The following CTPS2 variants were observed in gnomAD, a reference collection of about 807,000 sequenced individuals.
CTPS2 encodes CTP synthase 2.
In CTPS2, 19 loss-of-function variants were observed where a neutral mutation model predicts 46.8. The ratio of observed to expected loss-of-function variants is 0.41; its 90% CI spans 0.28 to 0.60. The LOEUF (loss-of-function observed/expected upper bound fraction) is 0.60, where lower values mean the gene tolerates loss of function less well. Among genes scored for constraint, CTPS2 ranks in the 20% least tolerant of loss-of-function variants. CTPS2 has a pLI of 0.35. For synonymous variants in CTPS2, 151 were observed against 165.2 expected (o/e 0.91, Z 0.66); for missense variants, 286 against 447.6 (o/e 0.64, Z 3.26).
intron 17 of CTPS2, among the ~76,000 whole-genome samples, chrX:16,601,585 G>A (rs59557014): frequency 1.6e-5 from 1 of 61,221 alleles, no homozygotes; most frequent in Non-Finnish European, 3.0e-5. Flanking sequence ...GGGGGGGGGG[G>A]TTTAAGTTCC....
chrX:16,605,944 G>A (rs112258607), intron 17 of CTPS2, among the ~76,000 whole-genome samples: 1,447 of 112,207 alleles, frequency 0.013, 18 homozygotes, highest in African/African-American at 0.044. Flanking sequence ...AGGTGAAATT[G>A]GTCTTCCTAA....
At chrX:16,614,164 G>C (rs918602536) in intron 16 of CTPS2, among the ~76,000 whole-genome samples, 1 of 111,917 alleles carries the variant, frequency 8.9e-6, no homozygotes, top group Non-Finnish European at 1.9e-5. Flanking sequence ...AATTGTGTTG[G>C]GCCACATTCA....
intron 13 of CTPS2, among the ~76,000 whole-genome samples, chrX:16,657,239 G>T (rs1345452172): frequency 9.9e-6 from 1 of 100,837 alleles, no homozygotes; most frequent in African/African-American, 3.7e-5. Flanking sequence ...TGTATGCTGG[G>T]TTCTTCTGTC....
chrX:16,611,527 A>G (rs1475463826), intron 16 of CTPS2, among the ~76,000 whole-genome samples: 1 of 110,757 alleles, frequency 9.0e-6, no homozygotes, highest in African/African-American at 3.3e-5. Flanking sequence ...ATTATTAAAA[A>G]AAAAAAAAAA....
chrX:16,704,667 G>T (rs746163563), intron 1 of CTPS2, among the ~76,000 whole-genome samples: 1 of 111,453 alleles, frequency 9.0e-6, no homozygotes, highest in East Asian at 2.8e-4. Context: ...CAGACTTTCC[G>T]CCGGGCACGG....
rs2147147609 is a variant in CTPS2, at chrX:16,588,708, A to G, written c.*1109T>C. On this transcript the variant is annotated 3_prime_UTR_variant, in exon 19 of 19. Coordinates refer to ENST00000359276, the MANE Select transcript of CTPS2 (RefSeq NM_175859.3). ...CGGACAGGTGGAGGGGAAGATAGGG[A>G]GTGACTGCTAGTGTGTACAGGCATT... The G allele has an allele frequency of 8.9e-6, 1 of 112,574 alleles. No homozygotes were observed. Among genetic ancestry groups the G allele is most frequent in the East Asian group, 2.8e-4 (1 of 3,606 alleles). The allele number at this position is 112,574 out of a possible 1,213,427, so 9.3% of individuals were successfully genotyped here.
intron 10 of CTPS2, among the ~76,000 whole-genome samples, chrX:16,673,163 G>A (rs1921924576): frequency 9.0e-6 from 1 of 110,601 alleles, no homozygotes; most frequent in African/African-American, 3.3e-5. Context: ...TGGGATTACA[G>A]GCGTGAGCCA....
chrX:16,698,699 C>T (rs1924323800), intron 3 of CTPS2, among the ~76,000 whole-genome samples: 1 of 110,687 alleles, frequency 9.0e-6, no homozygotes, highest in African/African-American at 3.3e-5. Context: ...TACAGGCATG[C>T]GCCACCATGC....
At chrX:16,612,411 A>G (rs1268673214) in intron 16 of CTPS2, among the ~76,000 whole-genome samples, 1 of 112,335 alleles carries the variant, frequency 8.9e-6, no homozygotes, top group African/African-American at 3.2e-5. Flanking sequence ...TTCAATCCAC[A>G]TGAAATTTGA....
chrX:16,595,548 T>C (rs1174725344), intron 17 of CTPS2, among the ~76,000 whole-genome samples: 1 of 111,376 alleles, frequency 9.0e-6, no homozygotes, highest in African/African-American at 3.3e-5. Context: ...TCAAGTGATC[T>C]GCCCGCTTCG....
At chrX:16,710,607 C>T (rs1219578068) in intron 1 of CTPS2, among the ~76,000 whole-genome samples, 1 of 111,358 alleles carries the variant, frequency 9.0e-6, no homozygotes, top group African/African-American at 3.3e-5. Flanking sequence ...ACACCTAATT[C>T]TTCCTACTTT....
At position 16,686,903 on chromosome X, in the gene CTPS2, C is replaced by CA. The variant is rs61694614; in HGVS notation, c.872+2546dup. 7.0e-3 allele frequency among the ~76,000 whole-genome samples: 624 copies of CA among 89,476 alleles called. 2 individuals carry two copies. Among genetic ancestry groups the CA allele is most frequent in the Middle Eastern group, 0.013 (2 of 157 alleles). The allele number at this position is 89,476 out of a possible 115,157, so 77.7% of individuals were successfully genotyped here. ...TGGGTGACAGAGTGAGACTCCATCT[C>CA]AAAAAAAAAAAAATAAATAAGGAAA... On this transcript the variant is annotated intron_variant, in intron 8 of 18. Coordinates refer to ENST00000359276, the MANE Select transcript of CTPS2 (RefSeq NM_175859.3).
At chrX:16,669,931 A>T (rs1239324057) in intron 11 of CTPS2, among the ~76,000 whole-genome samples, 1 of 111,209 alleles carries the variant, frequency 9.0e-6, no homozygotes, top group Non-Finnish European at 1.9e-5. Context: ...AGCATTAAAA[A>T]GGCTCAACTC....
chrX:16,658,983 A>G (rs1932882594), intron 13 of CTPS2, among the ~76,000 whole-genome samples: 1 of 112,144 alleles, frequency 8.9e-6, no homozygotes, highest in Admixed American at 9.5e-5. Context: ...CACACTACTC[A>G]GTCATGATCA....
At chrX:16,608,824 A>T (rs1277130744) in intron 17 of CTPS2, among the ~76,000 whole-genome samples, 1 of 111,573 alleles carries the variant, frequency 9.0e-6, no homozygotes, top group African/African-American at 3.3e-5. Flanking sequence ...GCAGGGAAGT[A>T]GGGAGCCAAA....
chrX:16,639,576 T>C (rs1444372388), intron 13 of CTPS2, among the ~76,000 whole-genome samples: 4 of 110,150 alleles, frequency 3.6e-5, no homozygotes, highest in Non-Finnish European at 5.7e-5. Flanking sequence ...GGCCTCCCAC[T>C]TCGGTGTTCA....
chrX:16,605,577 C>T (rs1929929608), intron 17 of CTPS2, among the ~76,000 whole-genome samples: 2 of 111,509 alleles, frequency 1.8e-5, no homozygotes, highest in South Asian at 7.6e-4. Context: ...CAAAAATTAG[C>T]TGGGCATGGT....
intron 18 of CTPS2, among the ~76,000 whole-genome samples, chrX:16,590,197 C>CTATTT (rs745669015): frequency 2.2e-3 from 239 of 107,980 alleles, no homozygotes; most frequent in Non-Finnish European, 2.3e-3. Context: ...AAATCAAATA[C>CTATTT]TATTTTATTT....
chrX:16,704,432 A>G (rs1312996199), intron 1 of CTPS2, among the ~76,000 whole-genome samples: 1 of 112,358 alleles, frequency 8.9e-6, no homozygotes, highest in Non-Finnish European at 1.9e-5. Flanking sequence ...GTATGACTTC[A>G]ACTATATGAC....
Sources: allele counts gnomAD v4.1 joint callset (sites outside exome capture counted in the v4.1 genomes callset), GRCh38; gene constraint gnomAD v4.1.1; transcripts MANE v1.5; gene names NCBI Gene and HGNC (gene_info 2026-07-23, HGNC 2026-07-21).